CXADR: variants seen among roughly 807,000 people sequenced by gnomAD.
The protein encoded by CXADR is CXADR cell adhesion molecule.
In CXADR, 20 loss-of-function variants were observed where a neutral mutation model predicts 40.3. The ratio of observed to expected loss-of-function variants is 0.50; its 90% CI spans 0.35 to 0.72. CXADR has a LOEUF of 0.72. CXADR is among the 30% of genes least tolerant of loss of function. The probability of loss-of-function intolerance (pLI) is 0.01; values close to 1 mark genes in which losing one functional copy is unlikely to be tolerated. For synonymous variants in CXADR, 150 were observed against 161.3 expected (o/e 0.93, Z 0.53); for missense variants, 332 against 449.1 (o/e 0.74, Z 2.36).
At chr21:17,612,838 C>A in the CXADR span, 2 of 152,136 alleles carry the variant, frequency 1.3e-5, no homozygotes, top group African/African-American at 4.8e-5. Context: ...GTGCGGCTCC[C>A]GCGTCGTCGG....
intron 1 of CXADR, chr21:17,527,018 C>T (rs551153939): frequency 2.0e-5 from 3 of 152,058 alleles, no homozygotes; most frequent in Admixed American, 6.6e-5. Flanking sequence ...TCTGCCTTAC[C>T]CATAATGCAA....
chr21:17,531,324 G>T (rs897999858), intron 1 of CXADR, among the ~76,000 whole-genome samples: 3 of 151,270 alleles, frequency 2.0e-5, no homozygotes, highest in Admixed American at 2.0e-4. Context: ...AAAGAAAAAA[G>T]AAAGTTAAGA....
At chr21:17,611,815 GGCCTC>G in the CXADR span, 1 of 152,182 alleles carries the variant, frequency 6.6e-6, no homozygotes, top group Admixed American at 6.5e-5. Context: ...AATCAAGCTC[GGCCTC>G]GCAGGAGTTT....
intron 1 of CXADR, among the ~76,000 whole-genome samples, chr21:17,522,408 A>G (rs767860827): frequency 2.0e-5 from 3 of 152,116 alleles, no homozygotes; most frequent in Non-Finnish European, 2.9e-5. Flanking sequence ...TCGGCCTCCG[A>G]AAGTGCTGGG....
At chr21:17,608,492 A>G in the CXADR span, among the ~76,000 whole-genome samples, 1 of 152,108 alleles carries the variant, frequency 6.6e-6, no homozygotes. Flanking sequence ...AAATATATAA[A>G]TGAGATTATT....
In CXADR at chr21:17,545,599, C is replaced by G. The variant is rs150981605; in HGVS notation, c.44-1428C>G. ...ACACCACCACACCCAGCTAGGCTAACTTTTGTATTTTTGGTAAAGATGGGG... is the reference window on the plus strand; with the variant it reads ...ACACCACCACACCCAGCTAGGCTAAGTTTTGTATTTTTGGTAAAGATGGGG... On this transcript the variant is annotated intron_variant, in intron 1 of 6. Transcript: ENST00000284878. 5.9e-4 allele frequency among the ~76,000 whole-genome samples: 90 copies of G among 151,338 alleles called. 1 individual carries two copies. The highest frequency in any genetic ancestry group is 3.4e-3 in the Middle Eastern group (1 of 290).
chr21:17,629,563 C>CAAACA, the CXADR span, among the ~76,000 whole-genome samples: 36 of 151,962 alleles, frequency 2.4e-4, no homozygotes, highest in East Asian at 1.9e-3. Context: ...GACCCTGTCT[C>CAAACA]AAACAAAACA....
At chr21:17,518,905 G>A in intron 1 of CXADR, 1 of 1,584,204 alleles carries the variant, frequency 6.3e-7, no homozygotes. Flanking sequence ...AGCCATGGCT[G>A]TTTTATGTAC....
chr21:17,564,310 G>C (rs1055285499), intron 6 of CXADR, among the ~76,000 whole-genome samples: 1 of 143,448 alleles, frequency 7.0e-6, no homozygotes, highest in African/African-American at 2.6e-5. Context: ...ACCTGAGCAA[G>C]ATGTCTCTAT....
rs5842647 is a variant in CXADR at position 17,534,030 on chromosome 21, C to CTATA, written c.44-12984_44-12981dup. On this transcript the variant is annotated intron_variant, in intron 1 of 6. Coordinates refer to ENST00000284878, the MANE Select transcript of CXADR (RefSeq NM_001338.5). Reference sequence around the variant, plus strand: ...GCAATATATATATATATATATATAGCTATATATATATATATACACATATAT... The same window carrying CTATA: ...GCAATATATATATATATATATATAGCTATATATATATATATATATACACATATAT... Among the ~76,000 whole-genome samples the CTATA allele has an allele frequency of 1.4e-3, 138 of 96,044 alleles. 1 individual carries two copies. Among genetic ancestry groups the CTATA allele is most frequent in the South Asian group, 5.0e-3 (15 of 2,982 alleles). The allele number at this position is 96,044 out of a possible 152,430, so 63.0% of individuals were successfully genotyped here.
the CXADR span, among the ~76,000 whole-genome samples, chr21:17,601,999 C>T: frequency 6.6e-6 from 1 of 152,146 alleles, no homozygotes; most frequent in Non-Finnish European, 1.5e-5. Context: ...TTACAATGTG[C>T]AGTCGATATC....
chr21:17,581,878 T>G (rs1259751212), intron 7 of CXADR, among the ~76,000 whole-genome samples: 1 of 150,666 alleles, frequency 6.6e-6, no homozygotes, highest in Admixed American at 6.7e-5. Flanking sequence ...TTTTGAGAAT[T>G]CCATTTTTCC....
chr21:17,528,068 C>CTTTTTT (rs35477813), intron 1 of CXADR, among the ~76,000 whole-genome samples: 89 of 78,356 alleles, frequency 1.1e-3, no homozygotes, highest in East Asian at 2.3e-3. Context: ...TTAGTTCTTT[C>CTTTTTT]TTTTTTTTTT....
At chr21:17,548,862 T>A (rs2060931828) in intron 2 of CXADR, among the ~76,000 whole-genome samples, 1 of 152,192 alleles carries the variant, frequency 6.6e-6, no homozygotes, top group Non-Finnish European at 1.5e-5. Context: ...GTTTCTGGGT[T>A]AAAAACCTAG....
At chr21:17,544,144 A>G (rs1212357338) in intron 1 of CXADR, among the ~76,000 whole-genome samples, 1 of 152,234 alleles carries the variant, frequency 6.6e-6, no homozygotes, top group Non-Finnish European at 1.5e-5. Flanking sequence ...AGTAAAGTAC[A>G]ATCAGCATTC....
chr21:17,603,955 G>C, the CXADR span, among the ~76,000 whole-genome samples: 2 of 152,180 alleles, frequency 1.3e-5, no homozygotes, highest in South Asian at 4.1e-4. Flanking sequence ...CCTAAAAGCA[G>C]AATGTTGCTT....
chr21:17,551,857 G>T lies in CXADR; in HGVS notation c.319G>T (p.Val107Leu). The change falls in exon 3 of 7, where the codon GTA (valine) becomes TTA (leucine). Residue 107 changes from valine (V) to leucine (L), a missense_variant. Val to Leu is a conservative substitution (Grantham distance 32). This residue lies in a region of CXADR where 162 missense variants were observed against 198.5 expected (regional missense o/e 0.82). Coordinates refer to ENST00000284878, the MANE Select transcript of CXADR (RefSeq NM_001338.5). ...CAAATCTGGTGATGCATCAATAAAT[G>T]TAACGAATTTACAACTGTCAGATAT... ...DLKSGDASIN[V>L]TNLQLSDIGT... is the part of the protein sequence containing the mutation. The T allele has an allele frequency of 6.2e-7, 1 of 1,613,922 alleles. No homozygotes were observed. Among genetic ancestry groups the T allele is most frequent in the Non-Finnish European group, 8.5e-7 (1 of 1,179,848 alleles).
intron 7 of CXADR, among the ~76,000 whole-genome samples, chr21:17,586,650 C>T (rs1321212270): frequency 6.6e-6 from 1 of 151,702 alleles, no homozygotes; most frequent in Non-Finnish European, 1.5e-5. Flanking sequence ...TATTTGGAAT[C>T]TATTTTTATG....
chr21:17,559,229 C>T, intron 4 of CXADR, 98 bp downstream of exon 4: 1 of 1,245,376 alleles, frequency 8.0e-7, no homozygotes, highest in Non-Finnish European at 1.1e-6. Context: ...TGCTCTGTCA[C>T]CCAGGCTCAC....
Sources: allele counts gnomAD v4.1 joint callset (sites outside exome capture counted in the v4.1 genomes callset), GRCh38; gene constraint gnomAD v4.1.1; regional missense constraint gnomAD v4.1.1; transcripts MANE v1.5; gene names NCBI Gene and HGNC (gene_info 2026-07-23, HGNC 2026-07-21).